EGFR: variants seen among roughly 807,000 people sequenced by gnomAD.
EGFR encodes the protein epidermal growth factor receptor, also known as avian erythroblastic leukemia viral (v-erb-b) oncogene homolog.
Under a neutral mutation model 143.0 loss-of-function variants are expected in EGFR, and 58 were observed. That is an observed-to-expected ratio of 0.41 (90% CI 0.33 to 0.50). The LOEUF (loss-of-function observed/expected upper bound fraction) is 0.50, where lower values mean the gene tolerates loss of function less well. Ranked by LOEUF, EGFR falls within the 20% of genes least tolerant of loss-of-function variation. EGFR has a pLI of 0.39. For missense variants in EGFR, 1,307 were observed against 1,579.0 expected, an observed-to-expected ratio of 0.83 and a Z score of 2.92; for synonymous variants, 613 against 594.4, an observed-to-expected ratio of 1.03 and a Z score of -0.45.
intron 20 of EGFR, chr7:55,188,732 G>C (rs1445337208): frequency 6.6e-6 from 1 of 152,144 alleles, no homozygotes; most frequent in South Asian, 2.1e-4. Context: ...GCCAGGCACA[G>C]AGTTGTCCTT....
At chr7:55,129,570 G>A (rs1793717903) in intron 1 of EGFR, among the ~76,000 whole-genome samples, 1 of 152,160 alleles carries the variant, frequency 6.6e-6, no homozygotes, top group South Asian at 2.1e-4. Context: ...GGCCCTGGGT[G>A]GGAGTGGTGA....
At chr7:55,024,515 G>C (rs975784902) in intron 1 of EGFR, among the ~76,000 whole-genome samples, 4 of 152,182 alleles carry the variant, frequency 2.6e-5, no homozygotes, top group African/African-American at 7.2e-5. Context: ...AGGGGACAAG[G>C]CACCCAATGA....
chr7:55,152,447 C>A, intron 5 of EGFR, 99 bp from the exon 6 acceptor site: 1 of 1,108,650 alleles, frequency 9.0e-7, no homozygotes, highest in Admixed American at 1.7e-5. Context: ...AATGTGTCTT[C>A]ACTTTTTCAT....
intron 1 of EGFR, among the ~76,000 whole-genome samples, chr7:55,127,454 AC>A (rs757438994): frequency 1.7e-5 from 2 of 115,580 alleles, no homozygotes; most frequent in African/African-American, 6.5e-5. Flanking sequence ...TCTCCTTCCC[AC>A]CCCCTCACCC....
At position 55,201,745 on chromosome 7, in the gene EGFR, G is replaced by A. The variant is rs1161802556; in HGVS notation, c.3125G>A (p.Ser1042Asn). 1 of 1,614,054 alleles carries A rather than the reference G, an allele frequency of 6.2e-7. No individual in the cohort carries two copies. Among genetic ancestry groups the A allele is most frequent in the African/African-American group, 1.3e-5 (1 of 74,908 alleles). ...TPLLSSLSAT[S>N]NNSTVACIDR... The stretch of plus-strand genomic sequence containing the variant: ...CTGTTTCTTTTTCAGAGTGCAACCA[G>A]CAACAATTCCACCGTGGCTTGCATT... The change falls in exon 26 of 28, where the codon AGC becomes AAC. Residue 1042 changes from serine (S) to asparagine (N), a missense_variant. Coordinates refer to ENST00000275493, the MANE Select transcript of EGFR (RefSeq NM_005228.5).
At position 55,172,964 on chromosome 7, in the gene EGFR, T is replaced by A. The variant is rs755761469; in HGVS notation, c.1920-19T>A. On this transcript the variant is annotated intron_variant, in intron 16 of 27. Transcript: ENST00000275493. ...CTGTCAGCAACCTCACCCTTCCTTGTTCCTCCACCTCATTCCAGGCCTAAG... is the reference window on the plus strand; with the variant it reads ...CTGTCAGCAACCTCACCCTTCCTTGATCCTCCACCTCATTCCAGGCCTAAG... The A allele has an allele frequency of 6.2e-7, 1 of 1,614,052 alleles. No homozygotes were observed.
At chr7:55,073,724 G>A (rs542944415) in intron 1 of EGFR, among the ~76,000 whole-genome samples, 2 of 152,268 alleles carry the variant, frequency 1.3e-5, no homozygotes, top group African/African-American at 4.8e-5. Flanking sequence ...TCTCGTTCCT[G>A]TTCTTTTGCA....
In EGFR at chr7:55,078,355, C is replaced by G. The variant is rs1316163312; in HGVS notation, c.88+58990C>G. ...TGCCAGGAAGCCGCCTCGACGCAGC[C>G]GTATCTTGAGGCTCCAGCCCCATCC... is the stretch of plus-strand genomic sequence containing the variant. On this transcript the variant is annotated intron_variant, in intron 1 of 27. Coordinates refer to ENST00000275493, the MANE Select transcript of EGFR (RefSeq NM_005228.5). Among the ~76,000 whole-genome samples, 3 of 152,072 alleles carry G rather than the reference C, an allele frequency of 2.0e-5. 1 individual carries two copies. The highest frequency in any genetic ancestry group is 7.2e-5 in the African/African-American group (3 of 41,416).
At position 55,154,040 on chromosome 7, in the gene EGFR, G is replaced by A. The variant is rs751873368; in HGVS notation, c.777G>A (p.Thr259=). The change falls in exon 7 of 28, where the codon ACG becomes ACA. Residue 259 remains threonine (T), a synonymous_variant. Coordinates refer to ENST00000275493, the MANE Select transcript of EGFR (RefSeq NM_005228.5). Reference sequence around the variant, plus strand: ...GCCGCAAATTCCGAGACGAAGCCACGTGCAAGGACACCTGCCCCCCACTCA... The same window carrying A: ...GCCGCAAATTCCGAGACGAAGCCACATGCAAGGACACCTGCCCCCCACTCA... ...LVCRKFRDEA[T]CKDTCPPLML... 3.2e-5 allele frequency: 52 copies of A among 1,614,072 alleles called. No homozygotes were observed. The highest frequency in any genetic ancestry group is 3.6e-5 in the Non-Finnish European group (42 of 1,180,052).
chr7:55,145,694 C>T (rs545320577), intron 3 of EGFR, among the ~76,000 whole-genome samples: 12 of 152,318 alleles, frequency 7.9e-5, no homozygotes, highest in African/African-American at 2.6e-4. Flanking sequence ...TCAATTTTTT[C>T]TCTATTAAAG....
At chr7:55,086,565 G>A (rs945107217) in intron 1 of EGFR, among the ~76,000 whole-genome samples, 4 of 152,162 alleles carry the variant, frequency 2.6e-5, no homozygotes, top group South Asian at 2.1e-4. Context: ...CTTTTGCCTC[G>A]TTAATTTCAT....
rs74767302 is a variant in EGFR, at chr7:55,092,221, C to T, written c.89-50065C>T. Among the ~76,000 whole-genome samples the T allele has an allele frequency of 6.5e-3, 993 of 152,214 alleles. 10 individuals carry two copies. Among genetic ancestry groups the T allele is most frequent in the African/African-American group, 0.022 (924 of 41,532 alleles). ...TATTGGCAAGTGAAATTTTGTAAAC[C>T]GGCCCTCCCTTCCTTTTGCATTTGG... is the stretch of plus-strand genomic sequence containing the variant. On this transcript the variant is annotated intron_variant, in intron 1 of 27. Coordinates refer to ENST00000275493, the MANE Select transcript of EGFR (RefSeq NM_005228.5).
At chr7:55,200,645 C>A (rs1787806999) in intron 24 of EGFR, 1 of 601,614 alleles carries the variant, frequency 1.7e-6, no homozygotes, top group Non-Finnish European at 3.0e-6. Context: ...GAACTCTCCT[C>A]TGGTGCTCGT....
chr7:55,152,293 T>C (rs1406590666), intron 5 of EGFR: 1 of 679,112 alleles, frequency 1.5e-6, no homozygotes, highest in Non-Finnish European at 2.7e-6. Context: ...TTGCCCAAGA[T>C]GCATCTAATT....
At chr7:55,149,445 A>C (rs1794923927) in intron 4 of EGFR, among the ~76,000 whole-genome samples, 1 of 152,168 alleles carries the variant, frequency 6.6e-6, no homozygotes, top group Non-Finnish European at 1.5e-5. Flanking sequence ...CTAATGTAAT[A>C]AGTAGGTCAA....
At chr7:55,045,154 C>A (rs1007358782) in intron 1 of EGFR, among the ~76,000 whole-genome samples, 2 of 152,154 alleles carry the variant, frequency 1.3e-5, no homozygotes, top group African/African-American at 4.8e-5. Context: ...GAGTTGGAGA[C>A]CCCAGCTTAA....
At chr7:55,152,090 C>T (rs1785187144) in intron 5 of EGFR, among the ~76,000 whole-genome samples, 1 of 152,102 alleles carries the variant, frequency 6.6e-6, no homozygotes, top group African/African-American at 2.4e-5. Context: ...CCATGTGGAC[C>T]CTGCTTTACG....
intron 27 of EGFR, 173 bp downstream of exon 27, chr7:55,202,798 G>A (rs1352033838): frequency 2.8e-6 from 2 of 717,816 alleles, no homozygotes; most frequent in East Asian, 2.7e-5. Flanking sequence ...ACATGACCGA[G>A]CCTGCACAAG....
chr7:55,131,248 T>C (rs1330920211), intron 1 of EGFR, among the ~76,000 whole-genome samples: 2 of 151,786 alleles, frequency 1.3e-5, no homozygotes, highest in Non-Finnish European at 2.9e-5. Flanking sequence ...CCTGTGGTTC[T>C]GTCGACTAAA....
Sources: gnomAD v4.1 joint callset for allele counts (sites outside exome capture counted in the v4.1 genomes callset) on GRCh38, gnomAD v4.1.1 for gene constraint, MANE v1.5 for transcripts, NCBI Gene and HGNC (gene_info 2026-07-23, HGNC 2026-07-21) for gene names.